BBX: variants seen among roughly 807,000 people sequenced by gnomAD.
BBX encodes BBX high mobility group box domain containing, also known as HMG box transcription factor BBX.
BBX carries 30 observed loss-of-function variants against 100.2 expected under a neutral mutation model. The observed-to-expected ratio is 0.30, with a 90% CI of 0.22 to 0.41. The LOEUF (loss-of-function observed/expected upper bound fraction) is 0.41, where lower values mean the gene tolerates loss of function less well. Among genes scored for constraint, BBX ranks in the 10% least tolerant of loss-of-function variants. BBX has a pLI of 1.00. For missense variants in BBX, 1,023 were observed against 1,129.8 expected, an observed-to-expected ratio of 0.91 and a Z score of 1.35; for synonymous variants, 376 against 388.1, an observed-to-expected ratio of 0.97 and a Z score of 0.37.
chr3:107,725,953 T>C (rs773168146), intron 5 of BBX, among the ~76,000 whole-genome samples: 2 of 152,072 alleles, frequency 1.3e-5, no homozygotes, highest in Non-Finnish European at 2.9e-5. Context: ...TTAGGAGCAA[T>C]AGCTTTTCTG....
intron 2 of BBX, among the ~76,000 whole-genome samples, chr3:107,555,191 C>G (rs899728932): frequency 3.3e-5 from 5 of 152,180 alleles, no homozygotes; most frequent in Non-Finnish European, 7.4e-5. Context: ...TGCTCAGTTT[C>G]CCACCTCCTA....
intron 2 of BBX, among the ~76,000 whole-genome samples, chr3:107,585,766 G>A (rs2052788196): frequency 6.6e-6 from 1 of 152,036 alleles, no homozygotes; most frequent in Non-Finnish European, 1.5e-5. Flanking sequence ...ATGACTCTCT[G>A]GAGAACTAAA....
chr3:107,627,377 A>G (rs1320105160), intron 2 of BBX, among the ~76,000 whole-genome samples: 1 of 152,206 alleles, frequency 6.6e-6, no homozygotes, highest in Non-Finnish European at 1.5e-5. Flanking sequence ...ATCTGTGGCC[A>G]AAGAGATTAA....
chr3:107,707,141 T>C (rs1219820956), intron 3 of BBX, among the ~76,000 whole-genome samples: 2 of 152,226 alleles, frequency 1.3e-5, no homozygotes, highest in Non-Finnish European at 2.9e-5. Context: ...CACTTACTGT[T>C]TTATTCATCT....
At chr3:107,738,581 A>G (rs2063829160) in intron 7 of BBX, among the ~76,000 whole-genome samples, 1 of 152,204 alleles carries the variant, frequency 6.6e-6, no homozygotes. Context: ...ACAGCCCACG[A>G]TGGTGAGGCT....
intron 2 of BBX, chr3:107,638,514 A>T (rs939019518): frequency 1.3e-5 from 2 of 152,148 alleles, no homozygotes; most frequent in Non-Finnish European, 2.9e-5. Flanking sequence ...ATATCCTTGG[A>T]ATTAATATAC....
At chr3:107,533,099 T>C (rs1204089365) in intron 2 of BBX, among the ~76,000 whole-genome samples, 1 of 152,166 alleles carries the variant, frequency 6.6e-6, no homozygotes, top group African/African-American at 2.4e-5. Flanking sequence ...CATATTTTGC[T>C]GGAAATAATA....
At chr3:107,524,014 A>C (rs2047561058) in intron 1 of BBX, 1 of 150,708 alleles carries the variant, frequency 6.6e-6, no homozygotes. Flanking sequence ...ACAGAGAGAG[A>C]GGGAGAGAGA....
At chr3:107,770,141 C>G (rs2066782503) in intron 10 of BBX, among the ~76,000 whole-genome samples, 1 of 152,138 alleles carries the variant, frequency 6.6e-6, no homozygotes, top group African/African-American at 2.4e-5. Flanking sequence ...TGTGTTTGTT[C>G]CATTTCATTC....
At chr3:107,544,263 T>C (rs544584816) in intron 2 of BBX, among the ~76,000 whole-genome samples, 29 of 152,350 alleles carry the variant, frequency 1.9e-4, no homozygotes, top group African/African-American at 6.5e-4. Flanking sequence ...CTTTTTGTGA[T>C]ACTTTATTTC....
chr3:107,564,629 G>T (rs1054736981), intron 2 of BBX, among the ~76,000 whole-genome samples: 1 of 152,160 alleles, frequency 6.6e-6, no homozygotes, highest in African/African-American at 2.4e-5. Flanking sequence ...CTGTAGTCTA[G>T]TGGGCGTTTT....
At chr3:107,727,101 A>C (rs530823789) in intron 5 of BBX, among the ~76,000 whole-genome samples, 148 of 151,536 alleles carry the variant, frequency 9.8e-4, no homozygotes, top group East Asian at 3.1e-3. Flanking sequence ...TACCCCCCCC[A>C]AAAAAAATAG....
intron 2 of BBX, among the ~76,000 whole-genome samples, chr3:107,586,772 T>C (rs1183930049): frequency 6.6e-6 from 1 of 151,858 alleles, no homozygotes; most frequent in Non-Finnish European, 1.5e-5. Flanking sequence ...TTTTTTGAGA[T>C]GGAGTTTCGC....
chr3:107,650,097 T>A (rs974288036), intron 3 of BBX, among the ~76,000 whole-genome samples: 5 of 152,144 alleles, frequency 3.3e-5, no homozygotes, highest in South Asian at 2.1e-4. Context: ...ATTTTTATGG[T>A]GCTGTTCCCA....
intron 12 of BBX, chr3:107,776,179 G>A (rs1247629401): frequency 1.3e-5 from 2 of 152,148 alleles, no homozygotes. Flanking sequence ...TGTTATGTAG[G>A]CAGTGTGAGG....
intron 7 of BBX, among the ~76,000 whole-genome samples, chr3:107,733,303 C>G (rs2063431597): frequency 1.3e-5 from 2 of 152,136 alleles, no homozygotes; most frequent in Non-Finnish European, 2.9e-5. Context: ...TTGCATGACT[C>G]TGTCATGGTT....
chr3:107,801,781 C>G (rs2070514388), intron 17 of BBX, among the ~76,000 whole-genome samples: 1 of 152,098 alleles, frequency 6.6e-6, no homozygotes, highest in African/African-American at 2.4e-5. Context: ...GTGTTGGTGC[C>G]ATCACCAGCC....
At chr3:107,795,840 C>T (rs545823108) in intron 15 of BBX, among the ~76,000 whole-genome samples, 75 of 152,124 alleles carry the variant, frequency 4.9e-4, no homozygotes, top group Non-Finnish European at 1.6e-4. Flanking sequence ...CTGTGCCTTA[C>T]GCTTCTTACT....
chr3:107,683,044 CA>C (rs2059650566), intron 3 of BBX, among the ~76,000 whole-genome samples: 1 of 152,044 alleles, frequency 6.6e-6, no homozygotes, highest in Admixed American at 6.6e-5. Flanking sequence ...AAATATCAGT[CA>C]ATGCATATAC....
Sources: gnomAD v4.1 joint callset for allele counts (sites outside exome capture counted in the v4.1 genomes callset) on GRCh38, gnomAD v4.1.1 for gene constraint, MANE v1.5 for transcripts, NCBI Gene and HGNC (gene_info 2026-07-23, HGNC 2026-07-21) for gene names.